Variants in THSD7B observed in about 807,000 individuals in gnomAD.
The protein encoded by THSD7B is thrombospondin type-1 domain-containing protein 7B.
A neutral mutation model predicts 213.6 loss-of-function variants in THSD7B; 138 were observed. The observed-to-expected ratio is 0.65, with a 90% CI of 0.56 to 0.74. The LOEUF is 0.74. Ranked by LOEUF, THSD7B falls within the 30% of genes least tolerant of loss-of-function variation. The pLI is 0.00. For synonymous variants in THSD7B, 742 were observed against 687.0 expected (o/e 1.08, Z -1.25); for missense variants, 1,931 against 1,991.5 (o/e 0.97, Z 0.58).
At chr2:137,618,255 T>G (rs902312798) in intron 18 of THSD7B, 137 bp from the exon 19 acceptor site, 1 of 666,154 alleles carries the variant, frequency 1.5e-6, no homozygotes, top group Non-Finnish European at 2.5e-6. Context: ...TGCATGATGA[T>G]TCCCAAAGCT....
At chr2:137,311,435 A>T (rs1010021949) in intron 12 of THSD7B, among the ~76,000 whole-genome samples, 1 of 152,108 alleles carries the variant, frequency 6.6e-6, no homozygotes, top group African/African-American at 2.4e-5. Flanking sequence ...TAGTTATACA[A>T]TCATGTCGTC....
chr2:137,275,457 CA>C (rs2104810535), intron 11 of THSD7B, among the ~76,000 whole-genome samples: 1 of 151,858 alleles, frequency 6.6e-6, no homozygotes, highest in African/African-American at 2.4e-5. Flanking sequence ...GTTTGTACCT[CA>C]AGCTTACAGA....
chr2:137,308,404 C>T (rs546054834), intron 12 of THSD7B, among the ~76,000 whole-genome samples: 1 of 152,092 alleles, frequency 6.6e-6, no homozygotes, highest in South Asian at 2.1e-4. Flanking sequence ...GCTTTGAAGT[C>T]GTGTGGGGGC....
intron 12 of THSD7B, among the ~76,000 whole-genome samples, chr2:137,344,669 T>C (rs1045406206): frequency 2.0e-5 from 3 of 151,666 alleles, no homozygotes; most frequent in Non-Finnish European, 4.4e-5. Flanking sequence ...GGACGAACCA[T>C]TTTCTCTCAT....
chr2:137,587,917 G>A (rs903840638), intron 17 of THSD7B, among the ~76,000 whole-genome samples: 2 of 152,194 alleles, frequency 1.3e-5, no homozygotes, highest in African/African-American at 4.8e-5. Flanking sequence ...TTGTTGGGCT[G>A]TGCCCTGCCC....
At chr2:137,085,669 A>C (rs1235370294) in intron 3 of THSD7B, among the ~76,000 whole-genome samples, 1 of 152,264 alleles carries the variant, frequency 6.6e-6, no homozygotes, top group East Asian at 1.9e-4. Context: ...GTTCCATAAA[A>C]GGAGGACCTG....
chr2:136,915,958 TGTAAA>T (rs754073601), intron 2 of THSD7B, among the ~76,000 whole-genome samples: 2 of 152,204 alleles, frequency 1.3e-5, no homozygotes, highest in African/African-American at 2.4e-5. Context: ...TTAAAACAAT[TGTAAA>T]GATAATAACT....
chr2:137,449,376 A>G (rs1212595139), intron 14 of THSD7B, among the ~76,000 whole-genome samples: 1 of 152,252 alleles, frequency 6.6e-6, no homozygotes, highest in African/African-American at 2.4e-5. Context: ...TGCATAAAAA[A>G]ATACCACAGA....
At position 137,522,528 on chromosome 2, in the gene THSD7B, C is replaced by CT. The variant is rs376162135; in HGVS notation, c.3139-40681dup. ...AGGGAAAGAAAGCAATTCAGAGTCA[C>CT]TTTTTTTTTTTTCTTTTCCTTTTTC... On this transcript the variant is annotated intron_variant, in intron 15 of 27. Coordinates refer to ENST00000409968, the MANE Select transcript of THSD7B (RefSeq NM_001316349.2). 1.4e-3 allele frequency among the ~76,000 whole-genome samples: 202 copies of CT among 145,710 alleles called. 1 individual carries two copies. Among genetic ancestry groups the CT allele is most frequent in the African/African-American group, 2.8e-3 (112 of 40,032 alleles).
intron 7 of THSD7B, among the ~76,000 whole-genome samples, chr2:137,183,130 T>C (rs1680486236): frequency 6.6e-6 from 1 of 152,162 alleles, no homozygotes; most frequent in African/African-American, 2.4e-5. Flanking sequence ...TCCAGACTTA[T>C]GGTCGTAAGG....
chr2:137,401,318 GT>G (rs1337374232), intron 12 of THSD7B, among the ~76,000 whole-genome samples: 1 of 152,068 alleles, frequency 6.6e-6, no homozygotes, highest in Admixed American at 6.6e-5. Flanking sequence ...TTTCCTTTGT[GT>G]GTTTGTTTTG....
At chr2:137,427,450 T>A in intron 14 of THSD7B, among the ~76,000 whole-genome samples, 1 of 151,998 alleles carries the variant, frequency 6.6e-6, no homozygotes, top group South Asian at 2.1e-4. Flanking sequence ...TTATGGTGTG[T>A]GGGGTATGTG....
At chr2:137,060,721 CTATTATT>C (rs1156302883) in intron 3 of THSD7B, among the ~76,000 whole-genome samples, 2 of 151,882 alleles carry the variant, frequency 1.3e-5, no homozygotes, top group African/African-American at 4.8e-5. Context: ...ATTTTACTAT[CTATTATT>C]TGTTAGTAAC....
chr2:136,843,298 A>G (rs1017964274), intron 1 of THSD7B, among the ~76,000 whole-genome samples: 1 of 152,114 alleles, frequency 6.6e-6, no homozygotes, highest in Non-Finnish European at 1.5e-5. Flanking sequence ...CAAACATTAC[A>G]TTTCTTACAC....
At chr2:137,093,867 C>T (rs750864001) in intron 3 of THSD7B, among the ~76,000 whole-genome samples, 8 of 152,080 alleles carry the variant, frequency 5.3e-5, no homozygotes, top group Non-Finnish European at 1.0e-4. Context: ...CCCATTAACT[C>T]GTCATTTAGC....
chr2:137,539,042 T>G (rs1680559261), intron 15 of THSD7B, among the ~76,000 whole-genome samples: 1 of 151,748 alleles, frequency 6.6e-6, no homozygotes, highest in South Asian at 2.1e-4. Context: ...CTTTCTAGAT[T>G]ATATCAATAT....
chr2:137,058,678 C>A (rs79512525), intron 3 of THSD7B, among the ~76,000 whole-genome samples: 3 of 152,094 alleles, frequency 2.0e-5, no homozygotes, highest in Admixed American at 1.3e-4. Flanking sequence ...ATTTATGTAT[C>A]GAAATTCTAA....
At chr2:137,575,617 A>T (rs1205131906) in intron 17 of THSD7B, among the ~76,000 whole-genome samples, 1 of 152,008 alleles carries the variant, frequency 6.6e-6, no homozygotes, top group Non-Finnish European at 1.5e-5. Context: ...GAAAACCATA[A>T]ATGGATCAAG....
At chr2:137,463,030 G>A (rs1687916594) in intron 15 of THSD7B, among the ~76,000 whole-genome samples, 1 of 152,120 alleles carries the variant, frequency 6.6e-6, no homozygotes, top group Admixed American at 6.6e-5. Context: ...GCATCCACTG[G>A]GAGTCTTGGA....
Sources: gnomAD v4.1 joint callset for allele counts (sites outside exome capture counted in the v4.1 genomes callset) on GRCh38, gnomAD v4.1.1 for gene constraint, MANE v1.5 for transcripts, NCBI Gene and HGNC (gene_info 2026-07-23, HGNC 2026-07-21) for gene names.